Variants in LRCH1 observed in about 807,000 individuals in gnomAD.
LRCH1 encodes the protein leucine rich repeats and calponin homology domain containing 1, also known as leucine-rich repeat and calponin homology domain-containing protein 1.
A neutral mutation model predicts 94.9 loss-of-function variants in LRCH1; 23 were observed. The observed-to-expected ratio is 0.24, with a 90% CI of 0.17 to 0.34. The LOEUF is 0.34. Among genes scored for constraint, LRCH1 ranks in the 10% least tolerant of loss-of-function variants. LRCH1 has a pLI of 1.00. For synonymous variants in LRCH1, 364 were observed against 354.9 expected (o/e 1.03, Z -0.29); for missense variants, 790 against 945.9 (o/e 0.84, Z 2.16).
intron 1 of LRCH1, among the ~76,000 whole-genome samples, chr13:46,645,665 C>G (rs921881244): frequency 2.0e-5 from 3 of 150,954 alleles, no homozygotes; most frequent in Non-Finnish European, 4.4e-5. Context: ...CTCAGGTGGT[C>G]GTAGATTTAG....
At chr13:46,590,847 A>G (rs1291680666) in intron 1 of LRCH1, among the ~76,000 whole-genome samples, 2 of 152,158 alleles carry the variant, frequency 1.3e-5, no homozygotes, top group African/African-American at 4.8e-5. Context: ...TAGTCTTCAT[A>G]TATTCCCAAG....
intron 1 of LRCH1, among the ~76,000 whole-genome samples, chr13:46,590,998 T>C (rs1420639879): frequency 1.3e-5 from 2 of 152,062 alleles, no homozygotes; most frequent in African/African-American, 2.4e-5. Flanking sequence ...CTGTAAGTTC[T>C]CTGCGAGCTA....
At chr13:46,604,859 A>G (rs1192979767) in intron 1 of LRCH1, among the ~76,000 whole-genome samples, 2 of 152,228 alleles carry the variant, frequency 1.3e-5, no homozygotes, top group East Asian at 1.9e-4. Flanking sequence ...AACGACACAC[A>G]TGCTTTTCTA....
chr13:46,752,462 G>A (rs1285192649), exon 19 of LRCH1: 3 of 152,234 alleles, frequency 2.0e-5, no homozygotes, highest in African/African-American at 7.2e-5. Context: ...ACGGAAATTT[G>A]GATTGGCAGC....
At chr13:46,690,081 T>G (rs200526221) in intron 7 of LRCH1, among the ~76,000 whole-genome samples, 1 of 151,094 alleles carries the variant, frequency 6.6e-6, no homozygotes, top group African/African-American at 2.4e-5. Flanking sequence ...GAAAAAAACC[T>G]TTCTCCAATT....
chr13:46,699,287 C>A (rs1307352658), intron 9 of LRCH1, 49 bp from the exon 10 acceptor site: 8 of 1,485,088 alleles, frequency 5.4e-6, no homozygotes, highest in Non-Finnish European at 7.5e-6. Context: ...TGGCTCCTGA[C>A]TACTGAGTAG....
intron 18 of LRCH1, among the ~76,000 whole-genome samples, 188 bp downstream of exon 18, chr13:46,729,172 G>T (rs186303261): frequency 6.6e-6 from 1 of 152,236 alleles, no homozygotes; most frequent in African/African-American, 2.4e-5. Context: ...CCGGTAAAAT[G>T]AGAGACTATT....
At chr13:46,674,158 T>C (rs887161513) in intron 3 of LRCH1, among the ~76,000 whole-genome samples, 3 of 152,100 alleles carry the variant, frequency 2.0e-5, no homozygotes, top group Non-Finnish European at 4.4e-5. Context: ...AATAAATAAA[T>C]AAAATAAAAA....
intron 1 of LRCH1, among the ~76,000 whole-genome samples, chr13:46,647,100 G>T (rs2051230781): frequency 7.0e-6 from 1 of 141,886 alleles, no homozygotes; most frequent in East Asian, 2.0e-4. Context: ...GTGACAGAGT[G>T]AGACTCCAAC....
chr13:46,651,969 G>C (rs1458764769), intron 2 of LRCH1, among the ~76,000 whole-genome samples: 5 of 141,888 alleles, frequency 3.5e-5, no homozygotes, highest in Non-Finnish European at 6.2e-5. Context: ...CTCACTGCAA[G>C]CTCCGCCTCC....
chr13:46,634,052 G>A (rs2051051891), intron 1 of LRCH1, among the ~76,000 whole-genome samples: 1 of 151,884 alleles, frequency 6.6e-6, no homozygotes, highest in South Asian at 2.1e-4. Context: ...GCTAATTTTT[G>A]TATTTTTAGT....
At chr13:46,650,786 C>T (rs2051285510) in intron 2 of LRCH1, among the ~76,000 whole-genome samples, 1 of 149,590 alleles carries the variant, frequency 6.7e-6, no homozygotes, top group African/African-American at 2.5e-5. Context: ...TAACATTGGG[C>T]TTTGCTACCT....
intron 1 of LRCH1, among the ~76,000 whole-genome samples, chr13:46,606,592 G>C (rs923314001): frequency 6.6e-6 from 1 of 152,068 alleles, no homozygotes; most frequent in African/African-American, 2.4e-5. Flanking sequence ...TGTTTTTTGG[G>C]ACAGGGTCTC....
intron 1 of LRCH1, among the ~76,000 whole-genome samples, chr13:46,641,973 G>A (rs937437539): frequency 6.6e-5 from 10 of 152,322 alleles, no homozygotes; most frequent in Admixed American, 2.6e-4. Context: ...TGGGGAGGAC[G>A]TGGTTCTGGG....
intron 16 of LRCH1, among the ~76,000 whole-genome samples, chr13:46,716,926 A>G (rs2138208164): frequency 6.6e-6 from 1 of 151,072 alleles, no homozygotes; most frequent in East Asian, 1.9e-4. Flanking sequence ...AATGGAGGGG[A>G]GGCATTTTTG....
chr13:46,565,497 C>T (rs1036749633), intron 1 of LRCH1, among the ~76,000 whole-genome samples: 34 of 152,006 alleles, frequency 2.2e-4, no homozygotes, highest in African/African-American at 7.0e-4. Flanking sequence ...CTCAATTCAA[C>T]GGTGTTCTTA....
intron 17 of LRCH1, among the ~76,000 whole-genome samples, chr13:46,725,390 T>C (rs899024416): frequency 6.6e-6 from 1 of 152,234 alleles, no homozygotes; most frequent in African/African-American, 2.4e-5. Context: ...TTGGAGGAGA[T>C]AGATTCGATG....
rs181246760 is a variant in LRCH1, at chr13:46,694,222, T to A, written c.1121-671T>A. Among the ~76,000 whole-genome samples, 3 of 152,114 alleles carry A rather than the reference T, an allele frequency of 2.0e-5. No homozygotes were observed. The East Asian group carries it at 5.8e-4, about 29-fold the overall frequency. ...ATGTGGGTATTGCATTGGCTCAGAG[T>A]GTTTAAAGGGTGGCCCAGTATGGTT... On this transcript the variant is annotated intron_variant, in intron 8 of 19. Coordinates refer to ENST00000389797, the MANE Select transcript of LRCH1 (RefSeq NM_001164211.2).
chr13:46,610,488 CTTT>C (rs745707835), intron 1 of LRCH1, among the ~76,000 whole-genome samples: 1 of 139,286 alleles, frequency 7.2e-6, no homozygotes. Context: ...TCTTTTTTTC[CTTT>C]TTTTTTTTTT....
Sources: gnomAD v4.1 joint callset for allele counts (sites outside exome capture counted in the v4.1 genomes callset) on GRCh38, gnomAD v4.1.1 for gene constraint, MANE v1.5 for transcripts, NCBI Gene and HGNC (gene_info 2026-07-23, HGNC 2026-07-21) for gene names.